The following RBFOX1 variants were observed in gnomAD, a reference collection of about 807,000 sequenced individuals.
RBFOX1 encodes the protein RNA binding fox-1 homolog 1.
Under a neutral mutation model 57.7 loss-of-function variants are expected in RBFOX1, and 8 were observed. That is an observed-to-expected ratio of 0.14 (90% confidence interval 0.08 to 0.25). The LOEUF (loss-of-function observed/expected upper bound fraction) is 0.25, where lower values mean the gene tolerates loss of function less well. Ranked by LOEUF, RBFOX1 falls within the 10% of genes least tolerant of loss-of-function variation. The pLI is 1.00. For missense variants in RBFOX1, 611 were observed against 548.5 expected (o/e 1.11, Z -1.14); for synonymous variants, 326 against 222.4 (o/e 1.47, Z -4.15).
At chr16:5,716,978 A>G (rs1455760804) in intron 3 of RBFOX1, among the ~76,000 whole-genome samples, 1 of 152,176 alleles carries the variant, frequency 6.6e-6, no homozygotes, top group Non-Finnish European at 1.5e-5. Context: ...AATGAGTTCA[A>G]GGTTTCCTCC....
At chr16:6,162,204 G>A (rs1437233276) in intron 1 of RBFOX1, among the ~76,000 whole-genome samples, 5 of 152,142 alleles carry the variant, frequency 3.3e-5, no homozygotes, top group South Asian at 2.1e-4. Flanking sequence ...TGCAACTTCC[G>A]CCTTCCAGGT....
At chr16:5,266,044 T>TAA (rs148022979) in intron 1 of RBFOX1, among the ~76,000 whole-genome samples, 13 of 150,160 alleles carry the variant, frequency 8.7e-5, no homozygotes, top group South Asian at 4.2e-4. Flanking sequence ...CCAGGCTGAT[T>TAA]AAAAAAAAAA....
chr16:6,878,297 A>G (rs1188305965), intron 3 of RBFOX1, among the ~76,000 whole-genome samples: 1 of 152,168 alleles, frequency 6.6e-6, no homozygotes, highest in Admixed American at 6.5e-5. Context: ...GTTCTGGCTA[A>G]TGAACTATAA....
At chr16:5,551,805 G>A (rs1388385554) in intron 2 of RBFOX1, among the ~76,000 whole-genome samples, 6 of 84,664 alleles carry the variant, frequency 7.1e-5, no homozygotes, top group African/African-American at 1.4e-4. Context: ...CCCACCCCCC[G>A]ACAGGTGCTG....
chr16:6,277,705 G>A (rs373213108), intron 1 of RBFOX1, among the ~76,000 whole-genome samples: 1 of 150,998 alleles, frequency 6.6e-6, no homozygotes, highest in Non-Finnish European at 1.5e-5. Flanking sequence ...TTCCAAATCC[G>A]TGCTGACTCC....
chr16:7,086,003 C>T (rs910790352), intron 4 of RBFOX1, among the ~76,000 whole-genome samples: 5 of 152,030 alleles, frequency 3.3e-5, no homozygotes, highest in African/African-American at 1.2e-4. Flanking sequence ...CAGTTGAGGG[C>T]TGTGTTGTTA....
rs145833432 is a variant in RBFOX1, at chr16:7,524,276, C to T, written c.270+5887C>T. The stretch of plus-strand genomic sequence containing the variant: ...CTGTAAAAGGGAAGGAGGATGCACC[C>T]AGAGCTCCCAACCAGAGCTCAGTAA... On this transcript the variant is annotated intron_variant, in intron 5 of 15. Transcript: ENST00000550418. Among the ~76,000 whole-genome samples the T allele has an allele frequency of 3.4e-4, 52 of 152,264 alleles. 1 individual carries two copies. The highest frequency in any genetic ancestry group is 3.4e-3 in the Middle Eastern group (1 of 294).
chr16:5,820,128 G>A (rs2055791557), intron 3 of RBFOX1, among the ~76,000 whole-genome samples: 1 of 152,178 alleles, frequency 6.6e-6, no homozygotes, highest in Admixed American at 6.5e-5. Flanking sequence ...CCACCTCTAG[G>A]AAGTGGTTGT....
intron 4 of RBFOX1, among the ~76,000 whole-genome samples, chr16:7,106,003 G>A (rs1416572019): frequency 6.6e-6 from 1 of 152,140 alleles, no homozygotes; most frequent in African/African-American, 2.4e-5. Flanking sequence ...CAGTCCAGGA[G>A]GATTTCTTAC....
intron 4 of RBFOX1, among the ~76,000 whole-genome samples, chr16:7,336,266 G>T (rs2096785215): frequency 1.3e-5 from 2 of 152,310 alleles, no homozygotes; most frequent in Admixed American, 6.5e-5. Flanking sequence ...TAGGCTATTT[G>T]GTTAGTGTTT....
chr16:5,371,023 C>G (rs770822066), intron 1 of RBFOX1, among the ~76,000 whole-genome samples: 4 of 152,350 alleles, frequency 2.6e-5, no homozygotes, highest in Non-Finnish European at 4.4e-5. Flanking sequence ...TCTTGGCTCA[C>G]TGCAACCTCT....
rs370103697 is a variant in RBFOX1, at chr16:7,020,893, A to AAGAC, written c.-15-31161_-15-31158dup. ...TGTAATCCCAGAACTTTGCGATGCT[A>AAGAC]AGACAGGCAAATCGCTTGAGGCCAG... On this transcript the variant is annotated intron_variant, in intron 3 of 15. Coordinates refer to ENST00000550418, the MANE Select transcript of RBFOX1 (RefSeq NM_018723.4). Among the ~76,000 whole-genome samples, 323 of 152,286 alleles carry AAGAC rather than the reference A, an allele frequency of 2.1e-3. 2 individuals are homozygous for AAGAC. Among genetic ancestry groups the AAGAC allele is most frequent in the African/African-American group, 7.4e-3 (309 of 41,560 alleles).
At chr16:7,147,133 C>A (rs2075161107) in intron 4 of RBFOX1, among the ~76,000 whole-genome samples, 1 of 134,220 alleles carries the variant, frequency 7.5e-6, no homozygotes, top group Admixed American at 7.6e-5. Context: ...GTGCCTGCCA[C>A]CATGACTGGC....
At chr16:6,664,807 GCAAGGTAGTACAGTTTTGCAGT>G (rs2098721879) in intron 3 of RBFOX1, among the ~76,000 whole-genome samples, 1 of 152,182 alleles carries the variant, frequency 6.6e-6, no homozygotes, top group South Asian at 2.1e-4. Flanking sequence ...ATTTCAAAAG[GCAAGGTAGTACAGTTTTGCAGT>G]CAAACGGATC....
intron 14 of RBFOX1, among the ~76,000 whole-genome samples, chr16:7,689,746 C>G (rs1462368320): frequency 1.3e-5 from 2 of 151,976 alleles, no homozygotes; most frequent in South Asian, 2.1e-4. Context: ...CAAGGATGAT[C>G]TTGAGTAAAT....
chr16:6,924,426 G>A (rs982305806), intron 3 of RBFOX1, among the ~76,000 whole-genome samples: 1 of 151,934 alleles, frequency 6.6e-6, no homozygotes, highest in Non-Finnish European at 1.5e-5. Context: ...AACTAACAGA[G>A]TGAGTGCTCA....
intron 3 of RBFOX1, among the ~76,000 whole-genome samples, chr16:5,767,638 C>G (rs569868302): frequency 1.3e-5 from 2 of 151,976 alleles, no homozygotes; most frequent in African/African-American, 4.9e-5. Context: ...TTTGCCAGGA[C>G]ATTCTTGATG....
At chr16:5,720,944 T>A (rs540794642) in intron 3 of RBFOX1, among the ~76,000 whole-genome samples, 1 of 152,314 alleles carries the variant, frequency 6.6e-6, no homozygotes, top group African/African-American at 2.4e-5. Flanking sequence ...AATTTCAGAG[T>A]CAGCTTGTCA....
Position 5,490,842 on chromosome 16 carries a change from A to G in RBFOX1, c.258+23588A>G, listed in dbSNP as rs111701094. On this transcript the variant is annotated intron_variant, in intron 2 of 2. Coordinates refer to the RBFOX1 transcript ENST00000585867. ...CTTAATAAACTTTTTTTTCTTTCAC[A>G]CTGAGTACAACGATTAATCTCTTAA... is the stretch of plus-strand genomic sequence containing the variant. Among the ~76,000 whole-genome samples the G allele has an allele frequency of 5.7e-4, 86 of 152,054 alleles. 1 individual carries two copies. Among genetic ancestry groups the G allele is most frequent in the African/African-American group, 2.1e-3 (86 of 41,478 alleles).
Sources: gnomAD v4.1 joint callset for allele counts (sites outside exome capture counted in the v4.1 genomes callset) on GRCh38, gnomAD v4.1.1 for gene constraint, MANE v1.5 for transcripts, NCBI Gene and HGNC (gene_info 2026-07-23, HGNC 2026-07-21) for gene names.